Variants in RORA observed in about 807,000 individuals in gnomAD.
The protein encoded by RORA is RAR related orphan receptor A, also known as nuclear receptor ROR-alpha.
RORA carries 7 observed loss-of-function variants against 69.5 expected under a neutral mutation model. The observed-to-expected ratio is 0.10, with a 90% CI of 0.06 to 0.19. RORA has a LOEUF of 0.19. RORA is among the 10% of genes least tolerant of loss of function. The pLI is 1.00. For synonymous variants in RORA, 261 were observed against 240.8 expected (o/e 1.08, Z -0.78); for missense variants, 457 against 663.0 (o/e 0.69, Z 3.41).
At chr15:61,023,813 C>T (rs4775349) in intron 1 of RORA, among the ~76,000 whole-genome samples, 89,899 of 152,082 alleles carry the variant, frequency 0.59, 28,656 homozygotes, top group Non-Finnish European at 0.72. Flanking sequence ...TCCTTTTCAT[C>T]ATTTCACATG....
chr15:60,614,059 G>T (rs2069165717), intron 2 of RORA, among the ~76,000 whole-genome samples: 1 of 151,972 alleles, frequency 6.6e-6, no homozygotes, highest in Admixed American at 6.5e-5. Context: ...TGGTAGGTTA[G>T]TAAAAAAATG....
At chr15:61,076,935 G>C (rs2078459311) in intron 1 of RORA, among the ~76,000 whole-genome samples, 1 of 126,430 alleles carries the variant, frequency 7.9e-6, no homozygotes, top group African/African-American at 2.8e-5. Context: ...CTTGTTCAAA[G>C]TAAAAAAAAA....
intron 1 of RORA, among the ~76,000 whole-genome samples, chr15:61,118,543 T>C (rs571011240): frequency 6.6e-6 from 1 of 152,168 alleles, no homozygotes; most frequent in South Asian, 2.1e-4. Flanking sequence ...GAAAGGACTA[T>C]ATATCTCCAT....
chr15:60,867,315 T>C (rs1177024458), intron 1 of RORA, among the ~76,000 whole-genome samples: 1 of 152,162 alleles, frequency 6.6e-6, no homozygotes, highest in African/African-American at 2.4e-5. Flanking sequence ...GGTGACAACA[T>C]GTAGATTGAC....
intron 1 of RORA, among the ~76,000 whole-genome samples, chr15:60,776,002 A>G (rs543938082): frequency 6.6e-6 from 1 of 152,314 alleles, no homozygotes; most frequent in East Asian, 1.9e-4. Flanking sequence ...GAAGTCAGCA[A>G]TAACTGTGTG....
chr15:60,510,830 C>CA (rs1026513658), intron 5 of RORA, among the ~76,000 whole-genome samples: 1 of 149,394 alleles, frequency 6.7e-6, no homozygotes, highest in African/African-American at 2.5e-5. Flanking sequence ...CTGCCCTGGG[C>CA]AAAAAAATAT....
At chr15:61,093,509 T>C (rs2078740746) in intron 1 of RORA, among the ~76,000 whole-genome samples, 1 of 152,344 alleles carries the variant, frequency 6.6e-6, no homozygotes, top group Non-Finnish European at 1.5e-5. Context: ...GACTTTCTCA[T>C]CCCTGTACTC....
At chr15:61,104,573 C>G (rs1008387548) in intron 1 of RORA, among the ~76,000 whole-genome samples, 1 of 152,216 alleles carries the variant, frequency 6.6e-6, no homozygotes, top group African/African-American at 2.4e-5. Context: ...TGTCAATTGT[C>G]TATAAGGTCC....
intron 1 of RORA, among the ~76,000 whole-genome samples, chr15:60,906,342 G>A (rs569968851): frequency 9.8e-5 from 15 of 152,302 alleles, no homozygotes; most frequent in Admixed American, 1.3e-4. Flanking sequence ...GGCTGAGCTA[G>A]TGAATTATCA....
chr15:60,550,784 T>C (rs942578414), intron 2 of RORA, among the ~76,000 whole-genome samples: 1 of 152,174 alleles, frequency 6.6e-6, no homozygotes, highest in Non-Finnish European at 1.5e-5. Context: ...GCTCAAGCAA[T>C]GAATGGCTGA....
chr15:61,085,352 G>A (rs2078606849), intron 1 of RORA, among the ~76,000 whole-genome samples: 2 of 152,158 alleles, frequency 1.3e-5, no homozygotes, highest in Non-Finnish European at 2.9e-5. Flanking sequence ...TTTCATGGTG[G>A]GAAAGTGACC....
intron 1 of RORA, among the ~76,000 whole-genome samples, chr15:60,889,780 G>GCAGAGTTAAATTTATAC (rs2073794148): frequency 6.6e-6 from 1 of 152,172 alleles, no homozygotes; most frequent in African/African-American, 2.4e-5. Flanking sequence ...TTGCCCATTA[G>GCAGAGTTAAATTTATAC]CAGAGTTAAA....
At chr15:61,063,512 C>A (rs970734864) in intron 1 of RORA, among the ~76,000 whole-genome samples, 18 of 152,130 alleles carry the variant, frequency 1.2e-4, no homozygotes, top group African/African-American at 4.3e-4. Context: ...AATTTTTGTA[C>A]ATTAGTATGA....
intron 1 of RORA, among the ~76,000 whole-genome samples, chr15:60,694,820 A>G (rs545953692): frequency 3.5e-4 from 54 of 152,226 alleles, no homozygotes; most frequent in Non-Finnish European, 7.1e-4. Flanking sequence ...AGTTACCTCT[A>G]ATTTCAGAGC....
chr15:60,622,698 C>T (rs1567129457), intron 2 of RORA, among the ~76,000 whole-genome samples: 1 of 152,114 alleles, frequency 6.6e-6, no homozygotes, highest in Non-Finnish European at 1.5e-5. Context: ...AAAGGATCAG[C>T]AATTTTAAAA....
intron 1 of RORA, among the ~76,000 whole-genome samples, chr15:60,691,559 C>A (rs772994825): frequency 6.6e-6 from 1 of 152,056 alleles, no homozygotes; most frequent in Non-Finnish European, 1.5e-5. Flanking sequence ...ACAAGAGGAG[C>A]ATAGAGGGTG....
At chr15:60,749,889 A>G (rs1265270837) in intron 1 of RORA, among the ~76,000 whole-genome samples, 1 of 152,038 alleles carries the variant, frequency 6.6e-6, no homozygotes, top group East Asian at 1.9e-4. Context: ...AATTAGTCTG[A>G]CGTGGTAGTG....
intron 1 of RORA, among the ~76,000 whole-genome samples, chr15:60,763,191 G>A (rs1165146224): frequency 6.8e-6 from 1 of 148,136 alleles, no homozygotes; most frequent in African/African-American, 2.5e-5. Flanking sequence ...CAGCGATGCT[G>A]CAAATGCCAT....
At chr15:60,776,309 C>T (rs1178281894) in intron 1 of RORA, among the ~76,000 whole-genome samples, 1 of 152,224 alleles carries the variant, frequency 6.6e-6, no homozygotes, top group African/African-American at 2.4e-5. Flanking sequence ...GCCCCTTCCC[C>T]TTCATCTTGG....
Sources: gnomAD v4.1 joint callset for allele counts (sites outside exome capture counted in the v4.1 genomes callset) on GRCh38, gnomAD v4.1.1 for gene constraint, MANE v1.5 for transcripts, NCBI Gene and HGNC (gene_info 2026-07-23, HGNC 2026-07-21) for gene names.